Variants in SLC24A2 observed in about 807,000 individuals in gnomAD.
The protein encoded by SLC24A2 is sodium/potassium/calcium exchanger 2.
SLC24A2 carries 36 observed loss-of-function variants against 62.0 expected under a neutral mutation model. The ratio of observed to expected loss-of-function variants is 0.58; its 90% CI spans 0.44 to 0.77. The LOEUF (loss-of-function observed/expected upper bound fraction) is 0.77. Among genes scored for constraint, SLC24A2 ranks in the 30% least tolerant of loss-of-function variants. The probability of loss-of-function intolerance (pLI) is 0.00; values close to 1 mark genes in which losing one functional copy is unlikely to be tolerated. For missense variants in SLC24A2, 846 were observed against 817.9 expected (o/e 1.03, Z -0.42); for synonymous variants, 358 against 294.0 (o/e 1.22, Z -2.23).
chr9:19,959,685 C>T, the SLC24A2 span, among the ~76,000 whole-genome samples: 2 of 152,142 alleles, frequency 1.3e-5, no homozygotes, highest in South Asian at 4.1e-4. Flanking sequence ...AACACTCCCC[C>T]TTTCACCCTC....
At chr9:19,974,461 C>A in the SLC24A2 span, among the ~76,000 whole-genome samples, 13 of 152,164 alleles carry the variant, frequency 8.5e-5, no homozygotes, top group Non-Finnish European at 1.3e-4. Flanking sequence ...TGCTTATGTA[C>A]TCTTTACAGT....
At chr9:19,897,314 T>C in the SLC24A2 span, among the ~76,000 whole-genome samples, 2 of 152,178 alleles carry the variant, frequency 1.3e-5, no homozygotes, top group African/African-American at 2.4e-5. Context: ...GTTTTTCATA[T>C]TTATAAATGT....
rs34757842 is a variant in SLC24A2 at position 19,599,443 on chromosome 9, G to A, written c.1079-2164C>T. 3.8e-3 allele frequency among the ~76,000 whole-genome samples: 574 copies of A among 152,310 alleles called. 1 individual carries two copies. Among genetic ancestry groups the A allele is most frequent in the Middle Eastern group, 0.02 (6 of 294 alleles). On this transcript the variant is annotated intron_variant, in intron 4 of 10. Coordinates refer to ENST00000341998, the MANE Select transcript of SLC24A2 (RefSeq NM_020344.4). The surrounding 1 kb of genome is among the most constrained non-coding windows in gnomAD (Gnocchi z 4.5). ...AGCAGGTGTTGTGGCAACTCAAGGC[G>A]CACTGAGGAAGCAGTGGAAGGGAAT...
the SLC24A2 span, among the ~76,000 whole-genome samples, chr9:20,290,524 C>T: frequency 6.6e-6 from 1 of 152,348 alleles, no homozygotes; most frequent in East Asian, 1.9e-4. Flanking sequence ...CATGTGTGAG[C>T]TCTGGCTGGT....
At chr9:20,299,421 A>C in the SLC24A2 span, among the ~76,000 whole-genome samples, 1 of 152,234 alleles carries the variant, frequency 6.6e-6, no homozygotes, top group African/African-American at 2.4e-5. Context: ...CTCTGGAATG[A>C]AGTGAATCCA....
At chr9:20,227,665 G>A in the SLC24A2 span, among the ~76,000 whole-genome samples, 13 of 151,950 alleles carry the variant, frequency 8.6e-5, no homozygotes, top group Admixed American at 3.9e-4. Context: ...TGCTATCAGC[G>A]TGGCCTTGGG....
chr9:20,054,593 CCCT>C, the SLC24A2 span, among the ~76,000 whole-genome samples: 1 of 152,148 alleles, frequency 6.6e-6, no homozygotes, highest in African/African-American at 2.4e-5. Context: ...TCCCATGCTT[CCCT>C]CCTGAGTTTT....
the SLC24A2 span, among the ~76,000 whole-genome samples, chr9:20,178,840 A>G: frequency 6.6e-6 from 1 of 152,176 alleles, no homozygotes; most frequent in African/African-American, 2.4e-5. Flanking sequence ...GAGTTTTTAA[A>G]GAAAACTCAA....
chr9:20,232,013 T>C, the SLC24A2 span, among the ~76,000 whole-genome samples: 8 of 152,306 alleles, frequency 5.3e-5, no homozygotes, highest in East Asian at 1.3e-3. Flanking sequence ...TTGTCTTTGG[T>C]TCTGTTTATA....
At chr9:20,178,744 A>G in the SLC24A2 span, among the ~76,000 whole-genome samples, 1 of 152,170 alleles carries the variant, frequency 6.6e-6, no homozygotes, top group African/African-American at 2.4e-5. Context: ...TAAAAGAGAA[A>G]CTGCCTGTGC....
upstream of SLC24A2, among the ~76,000 whole-genome samples, chr9:19,793,522 T>C (rs370493418): frequency 5.9e-5 from 9 of 152,354 alleles, no homozygotes; most frequent in East Asian, 3.9e-4. Context: ...CAATAATAAC[T>C]ACCACAATGG....
chr9:20,036,194 A>G, the SLC24A2 span, among the ~76,000 whole-genome samples: 1 of 152,218 alleles, frequency 6.6e-6, no homozygotes, highest in African/African-American at 2.4e-5. Context: ...TTGTATTTTC[A>G]TTATATATTG....
chr9:19,544,255 C>CTTTTTT (rs375479154), intron 8 of SLC24A2, among the ~76,000 whole-genome samples: 2,497 of 123,884 alleles, frequency 0.02, 96 homozygotes, highest in African/African-American at 0.047. Flanking sequence ...GCAACCCCTG[C>CTTTTTT]TTTTTTTTTT....
the SLC24A2 span, among the ~76,000 whole-genome samples, chr9:19,887,954 A>G: frequency 6.6e-6 from 1 of 152,182 alleles, no homozygotes; most frequent in Non-Finnish European, 1.5e-5. Flanking sequence ...CTAAGGTATG[A>G]GGATGCAAAT....
At chr9:20,100,063 G>C in the SLC24A2 span, among the ~76,000 whole-genome samples, 3 of 151,782 alleles carry the variant, frequency 2.0e-5, no homozygotes, top group African/African-American at 7.3e-5. Context: ...CTGTCACCCA[G>C]GCTGGAGTGC....
chr9:19,763,627 T>C (rs1170515941), intron 2 of SLC24A2, among the ~76,000 whole-genome samples: 1 of 152,232 alleles, frequency 6.6e-6, no homozygotes, highest in East Asian at 1.9e-4. Flanking sequence ...TTGATTTGCA[T>C]ATGTTGAACC....
At chr9:19,557,535 C>G (rs1835155927) in intron 7 of SLC24A2, among the ~76,000 whole-genome samples, 1 of 152,142 alleles carries the variant, frequency 6.6e-6, no homozygotes, top group Admixed American at 6.5e-5. Context: ...GTGTAATTAC[C>G]CTGTAGTGGT....
chr9:20,075,708 A>G, the SLC24A2 span, among the ~76,000 whole-genome samples: 1 of 152,030 alleles, frequency 6.6e-6, no homozygotes, highest in African/African-American at 2.4e-5. Context: ...AGGGGGGGAT[A>G]CACTTGCACT....
the SLC24A2 span, among the ~76,000 whole-genome samples, chr9:20,118,540 AG>A: frequency 4.6e-5 from 7 of 152,206 alleles, no homozygotes; most frequent in South Asian, 1.5e-3. Flanking sequence ...GCTGTTCTTA[AG>A]TTTTTTTTTA....
Sources: gnomAD v4.1 joint callset for allele counts (sites outside exome capture counted in the v4.1 genomes callset) on GRCh38, gnomAD v4.1.1 for gene constraint, Gnocchi (gnomAD v3.1) non-coding constraint, MANE v1.5 for transcripts, NCBI Gene and HGNC (gene_info 2026-07-23, HGNC 2026-07-21) for gene names.